Variants in HIKESHI observed in about 807,000 individuals in gnomAD.
HIKESHI encodes the protein protein Hikeshi.
A neutral mutation model predicts 25.7 loss-of-function variants in HIKESHI; 13 were observed. The ratio of observed to expected loss-of-function variants is 0.51; its 90% CI spans 0.33 to 0.80. The LOEUF is 0.80. Among genes scored for constraint, HIKESHI ranks in the 30% least tolerant of loss-of-function variants. The pLI, the probability that HIKESHI is intolerant of heterozygous loss-of-function variation, is 0.02. For synonymous variants in HIKESHI, 76 were observed against 78.7 expected (o/e 0.97, Z 0.18); for missense variants, 174 against 229.5 (o/e 0.76, Z 1.56).
chr11:86,306,687 G>T (rs7123314), intron 2 of HIKESHI, among the ~76,000 whole-genome samples: 1 of 151,930 alleles, frequency 6.6e-6, no homozygotes, highest in African/African-American at 2.4e-5. Context: ...TTCATTTTGT[G>T]TAGTATAACC....
intron 4 of HIKESHI, 191 bp from the exon 5 acceptor site, chr11:86,345,392 GC>G (rs1947846058): frequency 2.1e-6 from 1 of 471,238 alleles, no homozygotes; most frequent in Non-Finnish European, 3.7e-6. Flanking sequence ...AATCAAAACT[GC>G]CCCGATATTT....
intron 2 of HIKESHI, among the ~76,000 whole-genome samples, chr11:86,307,071 ACATCAT>A (rs1169865013): frequency 3.6e-5 from 1 of 27,676 alleles, no homozygotes; most frequent in Non-Finnish European, 6.9e-5. Flanking sequence ...TGTGTAATAT[ACATCAT>A]GTATCAAATA....
Position 86,321,305 on chromosome 11 carries a change from C to T in HIKESHI, c.268+14823C>T, listed in dbSNP as rs575391912. ...AGTATTCCATTGTATGGATATGCCA[C>T]AATTTGTTTAGCTGTTTGCCTGCTG... On this transcript the variant is annotated intron_variant, in intron 2 of 4. Coordinates refer to ENST00000278483, the MANE Select transcript of HIKESHI (RefSeq NM_016401.4). Among the ~76,000 whole-genome samples the T allele has an allele frequency of 4.6e-5, 7 of 152,178 alleles. No individual in the cohort carries two copies. The East Asian group carries it at 1.4e-3, about 29-fold the overall frequency.
chr11:86,327,702 C>T (rs58563351), intron 2 of HIKESHI, among the ~76,000 whole-genome samples: 13,386 of 152,210 alleles, frequency 0.088, 885 homozygotes, highest in African/African-American at 0.18. Flanking sequence ...ATGCATAGAT[C>T]TACCGCTTTC....
rs1226979357 is a variant in HIKESHI, at chr11:86,319,234, A to ATT, written c.268+12753_268+12754insTT. Among the ~76,000 whole-genome samples the ATT allele has an allele frequency of 2.1e-3, 190 of 90,672 alleles. 1 individual carries two copies. Among genetic ancestry groups the ATT allele is most frequent in the South Asian group, 0.013 (30 of 2,398 alleles). 59.5% of individuals were successfully genotyped at this position (90,672 alleles called of 152,430 possible). A position where few individuals can be genotyped will look rare whatever the true frequency, so the allele number is the denominator to read the frequency against. On this transcript the variant is annotated intron_variant, in intron 2 of 4. Transcript: ENST00000278483. ...GGCTTAAAAATATATATATATATAT[A>ATT]TATATATATTTTTTTTTTTTTTGAG...
At chr11:86,315,733 A>C (rs1045089865) in intron 2 of HIKESHI, among the ~76,000 whole-genome samples, 1 of 152,226 alleles carries the variant, frequency 6.6e-6, no homozygotes, top group Non-Finnish European at 1.5e-5. Context: ...ACTTTATAAG[A>C]GGAAGTTGAA....
chr11:86,309,483 T>C (rs548984300), intron 2 of HIKESHI, among the ~76,000 whole-genome samples: 1 of 152,312 alleles, frequency 6.6e-6, no homozygotes, highest in East Asian at 1.9e-4. Flanking sequence ...CTTTGTCAGA[T>C]GGGTAGATTG....
At chr11:86,311,877 C>A (rs532657575) in intron 2 of HIKESHI, among the ~76,000 whole-genome samples, 9 of 152,150 alleles carry the variant, frequency 5.9e-5, no homozygotes, top group East Asian at 3.9e-4. Context: ...GTTTTGAGTG[C>A]GTTTCTTAAT....
intron 2 of HIKESHI, among the ~76,000 whole-genome samples, chr11:86,321,535 ATT>A (rs35862030): frequency 4.8e-5 from 7 of 146,674 alleles, no homozygotes; most frequent in East Asian, 2.0e-4. Context: ...TTTGTTTTAC[ATT>A]TTTTTTTTTT....
intron 2 of HIKESHI, among the ~76,000 whole-genome samples, chr11:86,320,218 G>T (rs1289842255): frequency 3.3e-5 from 5 of 152,104 alleles, no homozygotes; most frequent in Non-Finnish European, 7.4e-5. Flanking sequence ...GAATCCATTG[G>T]ACCCAATTTT....
chr11:86,338,152 C>T (rs1023113654), intron 3 of HIKESHI, among the ~76,000 whole-genome samples: 1 of 152,114 alleles, frequency 6.6e-6, no homozygotes, highest in African/African-American at 2.4e-5. Context: ...ACTTTGTGCC[C>T]TTTGACCAAC....
intron 2 of HIKESHI, among the ~76,000 whole-genome samples, chr11:86,306,814 C>T (rs1181603794): frequency 2.0e-5 from 3 of 151,120 alleles, no homozygotes; most frequent in East Asian, 3.9e-4. Flanking sequence ...CTGGATAACA[C>T]GGTGAAACCC....
chr11:86,318,282 C>CGACA (rs560412479), intron 2 of HIKESHI, among the ~76,000 whole-genome samples: 743 of 53,100 alleles, frequency 0.014, 14 homozygotes, highest in African/African-American at 0.048. Flanking sequence ...CCATCCTGGG[C>CGACA]GACAGAGCAA....
chr11:86,311,414 T>C (rs1302086086), intron 2 of HIKESHI, among the ~76,000 whole-genome samples: 1 of 152,222 alleles, frequency 6.6e-6, no homozygotes, highest in Non-Finnish European at 1.5e-5. Flanking sequence ...ATATCCCCTT[T>C]ATCATTTTTT....
chr11:86,326,988 G>A (rs1947297891), intron 2 of HIKESHI, among the ~76,000 whole-genome samples: 1 of 152,108 alleles, frequency 6.6e-6, no homozygotes, highest in South Asian at 2.1e-4. Context: ...CTACTCGGGA[G>A]GCTGAAGTGG....
Position 86,308,741 on chromosome 11 carries a change from C to T in HIKESHI, c.268+2259C>T, listed in dbSNP as rs539632186. The stretch of plus-strand genomic sequence containing the variant: ...CCACTCCCCACACCCCACAACAGGC[C>T]CCGGTGTGTGATGTTCCCCTTCCTG... On this transcript the variant is annotated intron_variant, in intron 2 of 4. Transcript: ENST00000278483. Among the ~76,000 whole-genome samples, 24 of 151,948 alleles carry T rather than the reference C, an allele frequency of 1.6e-4. No homozygotes were observed. The South Asian group carries it at 2.7e-3, about 17-fold the overall frequency.
chr11:86,340,893 T>G (rs974335870), intron 3 of HIKESHI, among the ~76,000 whole-genome samples: 3 of 152,212 alleles, frequency 2.0e-5, no homozygotes, highest in Non-Finnish European at 4.4e-5. Context: ...TCCACCCACT[T>G]TGGCCTCCCA....
rs578131339 is a variant in HIKESHI at position 86,344,701 on chromosome 11, G to A, written c.519G>A (p.Pro173=). The change falls in exon 4 of 5, where the codon CCG becomes CCA. Residue 173 remains proline, a synonymous_variant. Transcript: ENST00000278483. ...CAAGCCCATCTGAAATGTTCATTCC[G>A]GCAAATGTGGTTCTGAAATGGTATG... ...MTPSPSEMFI[P]ANVVLKWYEN... is the part of the protein sequence containing the mutation. The A allele has an allele frequency of 1.2e-6, 2 of 1,607,614 alleles. No homozygotes were observed. Among genetic ancestry groups the A allele is most frequent in the African/African-American group, 1.3e-5 (1 of 74,802 alleles).
At position 86,318,122 on chromosome 11, in the gene HIKESHI, T is replaced by C. The variant is rs920708050; in HGVS notation, c.268+11640T>C. On this transcript the variant is annotated intron_variant, in intron 2 of 4. Transcript: ENST00000278483. ...GATCAAGACCATCCTGGCTAACACG[T>C]TGAAACCCCATCTCTACTAAAAATA... 2.7e-5 allele frequency among the ~76,000 whole-genome samples: 4 copies of C among 150,900 alleles called. No homozygotes were observed. The South Asian group carries it at 8.4e-4, about 32-fold the overall frequency.
Sources: allele counts gnomAD v4.1 joint callset (sites outside exome capture counted in the v4.1 genomes callset), GRCh38; gene constraint gnomAD v4.1.1; transcripts MANE v1.5; gene names NCBI Gene and HGNC (gene_info 2026-07-23, HGNC 2026-07-21).